The following CEP70 variants were observed in gnomAD, a reference collection of about 807,000 sequenced individuals.
The protein encoded by CEP70 is centrosomal protein of 70 kDa.
A neutral mutation model predicts 90.9 loss-of-function variants in CEP70; 70 were observed. The observed-to-expected ratio is 0.77, with a 90% CI of 0.64 to 0.94. The LOEUF is 0.94. CEP70 is among the 40% of genes least tolerant of loss of function. The pLI is 0.00. For missense variants in CEP70, 648 were observed against 669.0 expected, an observed-to-expected ratio of 0.97 and a Z score of 0.35; for synonymous variants, 220 against 228.3, an observed-to-expected ratio of 0.96 and a Z score of 0.33.
intron 6 of CEP70, among the ~76,000 whole-genome samples, chr3:138,542,840 T>C (rs568359022): frequency 1.1e-4 from 16 of 152,140 alleles, no homozygotes; most frequent in African/African-American, 3.6e-4. Context: ...GTGAGCAAGG[T>C]GGGGAGAAGC....
Position 138,511,860 on chromosome 3 carries a change from TCA to T in CEP70, c.945-3318_945-3317del, listed in dbSNP as rs1185875834. 3.3e-5 allele frequency among the ~76,000 whole-genome samples: 5 copies of T among 152,204 alleles called. 1 individual carries two copies. The highest frequency in any genetic ancestry group is 1.2e-4 in the African/African-American group (5 of 41,444). ...TCATAGGAAACTGGTTCACTTAGTCTCACAGAAAATATCTGCCATTAACAGTA... is the reference window on the plus strand; with the variant it reads ...TCATAGGAAACTGGTTCACTTAGTCTCAGAAAATATCTGCCATTAACAGTA... On this transcript the variant is annotated intron_variant, in intron 11 of 17. Coordinates refer to ENST00000264982, the MANE Select transcript of CEP70 (RefSeq NM_024491.4).
At chr3:138,513,497 G>C (rs2035716586) in intron 11 of CEP70, among the ~76,000 whole-genome samples, 1 of 151,960 alleles carries the variant, frequency 6.6e-6, no homozygotes, top group Non-Finnish European at 1.5e-5. Context: ...GGAATCTTTT[G>C]TGCAGGGCTC....
At chr3:138,518,065 C>T (rs2036223002) in intron 11 of CEP70, among the ~76,000 whole-genome samples, 1 of 152,202 alleles carries the variant, frequency 6.6e-6, no homozygotes, top group Non-Finnish European at 1.5e-5. Flanking sequence ...GGTCCTACGC[C>T]CATGGAGCCT....
intron 2 of CEP70, among the ~76,000 whole-genome samples, chr3:138,579,770 G>A (rs1297994140): frequency 2.0e-5 from 3 of 151,916 alleles, no homozygotes; most frequent in Non-Finnish European, 2.9e-5. Flanking sequence ...GCTGGCTTCA[G>A]CTGTGATCCA....
chr3:138,495,587 C>T (rs1048671092), intron 17 of CEP70, among the ~76,000 whole-genome samples: 1 of 152,162 alleles, frequency 6.6e-6, no homozygotes, highest in African/African-American at 2.4e-5. Context: ...TGCAGTGGCT[C>T]ATGCCTATAA....
chr3:138,591,263 T>C (rs2108294019), intron 2 of CEP70, among the ~76,000 whole-genome samples: 1 of 152,336 alleles, frequency 6.6e-6, no homozygotes. Flanking sequence ...TAAAATTAGC[T>C]TCAGGCTGTG....
At chr3:138,519,370 C>A (rs1195746889) in intron 11 of CEP70, among the ~76,000 whole-genome samples, 1 of 152,066 alleles carries the variant, frequency 6.6e-6, no homozygotes, top group East Asian at 1.9e-4. Context: ...AACTCCAAGA[C>A]ACATAATTGT....
In CEP70 at chr3:138,548,695, T is replaced by C. The variant is rs557325009; in HGVS notation, c.466-11348A>G. Among the ~76,000 whole-genome samples, 23 of 152,292 alleles carry C rather than the reference T, an allele frequency of 1.5e-4. No homozygotes were observed. The East Asian group carries it at 4.0e-3, about 27-fold the overall frequency. On this transcript the variant is annotated intron_variant, in intron 6 of 17. Coordinates refer to ENST00000264982, the MANE Select transcript of CEP70 (RefSeq NM_024491.4). ...GGAAATTCTAGGGGAAAATGGCAGATAGGAGGCAGGACTAGATTGCAGTTC... is the reference window on the plus strand; with the variant it reads ...GGAAATTCTAGGGGAAAATGGCAGACAGGAGGCAGGACTAGATTGCAGTTC...
At chr3:138,570,001 A>G (rs1225660413) in intron 6 of CEP70, among the ~76,000 whole-genome samples, 4 of 152,204 alleles carry the variant, frequency 2.6e-5, no homozygotes, top group Non-Finnish European at 4.4e-5. Flanking sequence ...TTTGGATCCT[A>G]TGTTAGATTG....
intron 6 of CEP70, among the ~76,000 whole-genome samples, chr3:138,569,859 C>T (rs577710814): frequency 1.1e-4 from 17 of 152,214 alleles, no homozygotes; most frequent in African/African-American, 3.4e-4. Context: ...CAGAGCCAGA[C>T]GCTGTCTCAA....
chr3:138,522,809 G>A (rs988673146), intron 11 of CEP70, among the ~76,000 whole-genome samples: 16 of 152,254 alleles, frequency 1.1e-4, no homozygotes, highest in African/African-American at 3.9e-4. Context: ...GGAGGAGCTG[G>A]TACCATTCCT....
intron 11 of CEP70, among the ~76,000 whole-genome samples, 184 bp downstream of exon 11, chr3:138,525,306 C>T (rs1045008393): frequency 5.9e-5 from 9 of 151,904 alleles, no homozygotes; most frequent in Admixed American, 3.9e-4. Flanking sequence ...GGAGATATAC[C>T]TAATGTTAAA....
chr3:138,508,678 CATGT>C, intron 11 of CEP70, 134 bp from the exon 12 acceptor site: 5 of 643,876 alleles, frequency 7.8e-6, no homozygotes, highest in East Asian at 2.7e-5. Flanking sequence ...TGTGTGCACA[CATGT>C]ATGTATGTGT....
intron 11 of CEP70, among the ~76,000 whole-genome samples, chr3:138,511,055 T>G (rs2035488502): frequency 6.6e-6 from 1 of 152,082 alleles, no homozygotes; most frequent in Non-Finnish European, 1.5e-5. Context: ...TTATTTTTAG[T>G]AGAAACGGTG....
chr3:138,497,076 T>C, intron 17 of CEP70: 1 of 1,054,352 alleles, frequency 9.5e-7, no homozygotes, highest in African/African-American at 1.7e-5. Flanking sequence ...ATCTCAAGTT[T>C]AACTTTCAAA....
chr3:138,516,399 G>A lies in CEP70; in HGVS notation c.945-7855C>T, dbSNP rs141294143. Among the ~76,000 whole-genome samples the A allele has an allele frequency of 1.8e-3, 272 of 151,946 alleles. 3 individuals carry two copies. Among genetic ancestry groups the A allele is most frequent in the Admixed American group, 0.015 (231 of 15,252 alleles). ...TATCTTTTTTTTGGGGGGACGGGGG[G>A]TGGAGGGACAGGGTCTTGCTCTGTT... On this transcript the variant is annotated intron_variant, in intron 11 of 17. Coordinates refer to ENST00000264982, the MANE Select transcript of CEP70 (RefSeq NM_024491.4).
At chr3:138,519,238 A>G (rs953355274) in intron 11 of CEP70, among the ~76,000 whole-genome samples, 1 of 134,390 alleles carries the variant, frequency 7.4e-6, no homozygotes, top group Non-Finnish European at 1.7e-5. Flanking sequence ...GGAGAATGGA[A>G]CCAAGCTGGA....
chr3:138,546,439 A>C (rs1256817003), intron 6 of CEP70, among the ~76,000 whole-genome samples: 1 of 152,174 alleles, frequency 6.6e-6, no homozygotes, highest in Non-Finnish European at 1.5e-5. Context: ...GTATCCTTTT[A>C]AAGCTCATTA....
At chr3:138,516,750 G>A (rs148918987) in intron 11 of CEP70, among the ~76,000 whole-genome samples, 2 of 152,164 alleles carry the variant, frequency 1.3e-5, no homozygotes, top group Non-Finnish European at 2.9e-5. Flanking sequence ...ACTGTGTTAT[G>A]TGTTGCCATA....
Sources: gnomAD v4.1 joint callset for allele counts (sites outside exome capture counted in the v4.1 genomes callset) on GRCh38, gnomAD v4.1.1 for gene constraint, MANE v1.5 for transcripts, NCBI Gene and HGNC (gene_info 2026-07-23, HGNC 2026-07-21) for gene names.